Variants in FOXP2 observed in about 807,000 individuals in gnomAD.
FOXP2 encodes forkhead box protein P2.
FOXP2 carries 12 observed loss-of-function variants against 115.8 expected under a neutral mutation model. That is an observed-to-expected ratio of 0.10 (90% CI 0.07 to 0.17). The LOEUF (loss-of-function observed/expected upper bound fraction) is 0.17. FOXP2 is among the 10% of genes least tolerant of loss of function. The probability of loss-of-function intolerance (pLI) is 1.00; values close to 1 mark genes in which losing one functional copy is unlikely to be tolerated. For synonymous variants in FOXP2, 328 were observed against 297.7 expected, an observed-to-expected ratio of 1.10 and a Z score of -1.05; for missense variants, 629 against 843.5, an observed-to-expected ratio of 0.75 and a Z score of 3.15.
Position 114,421,852 on chromosome 7 carries a change from T to A in FOXP2, c.-10-4650T>A, listed in dbSNP as rs1032093832. Reference sequence around the variant, plus strand: ...TGGATCTCAAATGCACTATGCATGGTGCCTATGATGAATTAATTCCACTAG... The same window carrying A: ...TGGATCTCAAATGCACTATGCATGGAGCCTATGATGAATTAATTCCACTAG... On this transcript the variant is annotated intron_variant, in intron 1 of 16. Coordinates refer to ENST00000350908, the MANE Select transcript of FOXP2 (RefSeq NM_014491.4). 8.6e-5 allele frequency among the ~76,000 whole-genome samples: 13 copies of A among 151,866 alleles called. No individual in the cohort carries two copies. The East Asian group carries it at 2.5e-3, about 30-fold the overall frequency.
chr7:114,297,451 C>A, intron 2 of FOXP2: 1 of 452,820 alleles, frequency 2.2e-6, no homozygotes, highest in South Asian at 2.4e-5. Flanking sequence ...TCAATGGCTG[C>A]CGTAGTGGAA....
intron 2 of FOXP2, among the ~76,000 whole-genome samples, chr7:114,510,042 A>C (rs1185251127): frequency 6.6e-6 from 1 of 152,186 alleles, no homozygotes; most frequent in African/African-American, 2.4e-5. Flanking sequence ...GTAGATGAGA[A>C]CTGGGAAAAG....
intron 16 of FOXP2, among the ~76,000 whole-genome samples, chr7:114,684,757 T>G (rs191686971): frequency 6.6e-6 from 1 of 152,310 alleles, no homozygotes; most frequent in East Asian, 1.9e-4. Flanking sequence ...TCATTTTTTA[T>G]AAAAGTCATT....
At chr7:114,232,290 C>T (rs996602492) in intron 1 of FOXP2, among the ~76,000 whole-genome samples, 4 of 152,178 alleles carry the variant, frequency 2.6e-5, no homozygotes, top group African/African-American at 7.2e-5. Flanking sequence ...ACAGCCACTA[C>T]GGTAAACAGT....
chr7:114,490,415 G>T (rs1037384128), intron 2 of FOXP2, among the ~76,000 whole-genome samples: 28 of 152,122 alleles, frequency 1.8e-4, no homozygotes, highest in Non-Finnish European at 3.7e-4. Context: ...GCTCAGGGAG[G>T]TAGGGATGTA....
chr7:114,232,713 T>C (rs1413212674), intron 1 of FOXP2, among the ~76,000 whole-genome samples: 1 of 151,404 alleles, frequency 6.6e-6, no homozygotes, highest in Non-Finnish European at 1.5e-5. Context: ...CTCCAGAGGC[T>C]GAGGCAGGAG....
At chr7:114,269,562 A>T (rs972056269) in intron 1 of FOXP2, among the ~76,000 whole-genome samples, 5 of 152,120 alleles carry the variant, frequency 3.3e-5, no homozygotes, top group African/African-American at 7.2e-5. Context: ...AAGTGCTCTG[A>T]TTAGAAGCGT....
intron 3 of FOXP2, among the ~76,000 whole-genome samples, chr7:114,598,028 CTAAA>C (rs552594090): frequency 3.5e-4 from 54 of 152,220 alleles, no homozygotes; most frequent in Non-Finnish European, 6.9e-4. Flanking sequence ...ACTTTGCCTA[CTAAA>C]TAGTTATGTT....
intron 3 of FOXP2, among the ~76,000 whole-genome samples, chr7:114,537,344 T>C (rs1399364967): frequency 6.6e-6 from 1 of 151,604 alleles, no homozygotes. Flanking sequence ...TCTTAATATG[T>C]CAGGCATAAC....
At chr7:114,365,564 T>A (rs2129188304) in intron 2 of FOXP2, among the ~76,000 whole-genome samples, 1 of 152,238 alleles carries the variant, frequency 6.6e-6, no homozygotes, top group Admixed American at 6.6e-5. Flanking sequence ...ATTGTATGAT[T>A]TTTTTACACT....
At chr7:114,094,382 G>A (rs915919262) in intron 1 of FOXP2, among the ~76,000 whole-genome samples, 1 of 152,034 alleles carries the variant, frequency 6.6e-6, no homozygotes, top group African/African-American at 2.4e-5. Context: ...CACATACTTT[G>A]TTCATATTTA....
chr7:114,349,587 G>A (rs918432979), intron 2 of FOXP2, among the ~76,000 whole-genome samples: 18 of 151,988 alleles, frequency 1.2e-4, no homozygotes, highest in Non-Finnish European at 5.9e-5. Context: ...CTAAGGTTGT[G>A]TTATTTAAAG....
intron 2 of FOXP2, among the ~76,000 whole-genome samples, chr7:114,317,674 T>C (rs1797306361): frequency 6.6e-6 from 1 of 152,160 alleles, no homozygotes; most frequent in Non-Finnish European, 1.5e-5. Context: ...ATTCAAATCA[T>C]GTCACGTCAT....
chr7:114,554,178 AAAAAATAAAAT>A (rs1180400630), intron 3 of FOXP2, among the ~76,000 whole-genome samples: 1 of 152,152 alleles, frequency 6.6e-6, no homozygotes, highest in Non-Finnish European at 1.5e-5. Flanking sequence ...GGAAACATTT[AAAAAATAAAAT>A]ATCTTCAAAA....
intron 1 of FOXP2, among the ~76,000 whole-genome samples, chr7:114,134,498 G>C (rs10247794): frequency 0.97 from 147,753 of 151,994 alleles, 71,954 homozygotes; most frequent in South Asian, 1. Context: ...CGGATCACGA[G>C]GTCAGGAGAT....
intron 1 of FOXP2, among the ~76,000 whole-genome samples, chr7:114,265,506 T>C (rs748765460): frequency 5.9e-5 from 9 of 152,154 alleles, no homozygotes; most frequent in Non-Finnish European, 1.3e-4. Context: ...TTTGAGTGCG[T>C]GTGGCTTTTC....
chr7:114,378,812 C>T (rs914768142), intron 2 of FOXP2, among the ~76,000 whole-genome samples: 3 of 147,370 alleles, frequency 2.0e-5, no homozygotes, highest in East Asian at 2.0e-4. Context: ...TAAGGCACTG[C>T]TTGTTGCTTT....
At chr7:114,662,387 G>T (rs1806918815) in intron 14 of FOXP2, among the ~76,000 whole-genome samples, 1 of 151,888 alleles carries the variant, frequency 6.6e-6, no homozygotes, top group Non-Finnish European at 1.5e-5. Flanking sequence ...ATCATCACAG[G>T]ACTGTTTTGG....
rs1268026730 is a variant in FOXP2, at chr7:114,313,699, T to C, written c.-11+25590T>C. 6.6e-4 allele frequency among the ~76,000 whole-genome samples: 33 copies of C among 50,046 alleles called. 4 individuals carry two copies. Among genetic ancestry groups the C allele is most frequent in the African/African-American group, 3.3e-3 (9 of 2,744 alleles). 32.8% of individuals were successfully genotyped at this position (50,046 alleles called of 152,430 possible). ...GGCGGAGCTTGCAGTGAGCCGAGAT[T>C]GCGCCACTGCACTCCAGCCTGGGCG... On this transcript the variant is annotated intron_variant, in intron 2 of 17. Coordinates refer to the FOXP2 transcript ENST00000634411.
Sources: gnomAD v4.1 joint callset for allele counts (sites outside exome capture counted in the v4.1 genomes callset) on GRCh38, gnomAD v4.1.1 for gene constraint, MANE v1.5 for transcripts, NCBI Gene and HGNC (gene_info 2026-07-23, HGNC 2026-07-21) for gene names.